THNSL1: variants seen among roughly 807,000 people sequenced by gnomAD.
THNSL1 encodes threonine synthase like 1, also known as threonine synthase-like 1.
A neutral mutation model predicts 50.4 loss-of-function variants in THNSL1; 48 were observed. The ratio of observed to expected loss-of-function variants is 0.95; its 90% CI spans 0.76 to 1.21. The LOEUF is 1.21. Ranked by LOEUF, THNSL1 falls within the 50% of genes most tolerant of loss-of-function variation. The pLI is 0.00. For missense variants in THNSL1, 896 were observed against 871.7 expected (o/e 1.03, Z -0.35); for synonymous variants, 309 against 306.1 (o/e 1.01, Z -0.10).
the THNSL1 span, chr10:24,952,425 G>T: frequency 7.6e-7 from 1 of 1,309,234 alleles, no homozygotes; most frequent in Non-Finnish European, 1.1e-6. The surrounding 1 kb of genome is among the most constrained non-coding windows in gnomAD (Gnocchi z 5.1). Flanking sequence ...CAAAGCGGTG[G>T]CCCTCTCTCT....
chr10:24,977,189 T>C, the THNSL1 span, among the ~76,000 whole-genome samples: 1 of 152,240 alleles, frequency 6.6e-6, no homozygotes, highest in African/African-American at 2.4e-5. Context: ...CTCTGTAGGC[T>C]GTGACAGAAG....
chr10:24,965,649 T>C, the THNSL1 span, among the ~76,000 whole-genome samples: 1 of 152,228 alleles, frequency 6.6e-6, no homozygotes, highest in Non-Finnish European at 1.5e-5. Flanking sequence ...TATGGATGGA[T>C]ACTCAGTCCT....
chr10:24,999,632 T>A, the THNSL1 span: 4 of 1,210,032 alleles, frequency 3.3e-6, no homozygotes, highest in South Asian at 1.4e-5. Context: ...CTTACATTTT[T>A]AATTTATTTA....
upstream of THNSL1, chr10:25,015,906 A>G (rs2132731054): frequency 6.2e-7 from 1 of 1,608,080 alleles, no homozygotes; most frequent in Non-Finnish European, 8.5e-7. Flanking sequence ...ATGAGGTTAT[A>G]AATGCACTCA....
chr10:25,002,205 G>A, the THNSL1 span, among the ~76,000 whole-genome samples: 1 of 152,160 alleles, frequency 6.6e-6, no homozygotes, highest in African/African-American at 2.4e-5. Context: ...GTGGGAACAC[G>A]AACTTTACCT....
Position 25,023,805 on chromosome 10 carries a change from G to T in THNSL1, c.582G>T (p.Lys194Asn), listed in dbSNP as rs200480020. The change falls in exon 3 of 3, where the codon AAG becomes AAT. Residue 194 changes from lysine (K) to asparagine (N), a missense_variant. Lys to Asn is a moderately conservative substitution (Grantham distance 94). Coordinates refer to ENST00000376356, the MANE Select transcript of THNSL1 (RefSeq NM_024838.5). ...DLLKFRRQYY[K>N]KWYDARVFCE... The stretch of plus-strand genomic sequence containing the variant: ...TTAAATTTAGAAGACAGTATTATAA[G>T]AAGTGGTATGATGCTCGTGTTTTCT... 6.2e-7 allele frequency: 1 copy of T among 1,614,186 alleles called. No homozygotes were observed. Among genetic ancestry groups the T allele is most frequent in the East Asian group, 2.2e-5 (1 of 44,886 alleles).
chr10:25,005,522 A>G, the THNSL1 span, among the ~76,000 whole-genome samples: 8 of 152,032 alleles, frequency 5.3e-5, no homozygotes, highest in Non-Finnish European at 1.2e-4. Flanking sequence ...TTCTTTTTCA[A>G]TTTTTCCCAG....
At chr10:24,978,666 A>G in the THNSL1 span, among the ~76,000 whole-genome samples, 2 of 152,300 alleles carry the variant, frequency 1.3e-5, no homozygotes, top group African/African-American at 4.8e-5. Context: ...TGTTTTACTT[A>G]TCATTCTTTC....
At chr10:25,015,857 T>A (rs373863993), upstream of THNSL1, 7 of 1,601,920 alleles carry the variant, frequency 4.4e-6, no homozygotes, top group Non-Finnish European at 6.0e-6. Flanking sequence ...CTTATCCACA[T>A]ACCTAGGAGG....
the THNSL1 span, among the ~76,000 whole-genome samples, chr10:24,978,718 C>T: frequency 1.3e-5 from 2 of 152,116 alleles, no homozygotes; most frequent in African/African-American, 4.8e-5. Flanking sequence ...TGTGTTGGTG[C>T]AAATCATTGG....
At chr10:24,974,319 A>G in the THNSL1 span, among the ~76,000 whole-genome samples, 1 of 152,178 alleles carries the variant, frequency 6.6e-6, no homozygotes, top group African/African-American at 2.4e-5. Context: ...TTAAAAATCT[A>G]TTGTAAGAAA....
At chr10:24,964,078 T>C in the THNSL1 span, among the ~76,000 whole-genome samples, 1 of 152,238 alleles carries the variant, frequency 6.6e-6, no homozygotes, top group Non-Finnish European at 1.5e-5. Context: ...TATTGTAAAC[T>C]GTTTAACAAC....
upstream of THNSL1, among the ~76,000 whole-genome samples, chr10:25,015,401 T>C (rs765313769): frequency 9.2e-5 from 14 of 152,194 alleles, 2 homozygotes; most frequent in Non-Finnish European, 1.5e-5. Flanking sequence ...TAAATTTATA[T>C]TTCATAAAAA....
chr10:24,981,841 C>A, the THNSL1 span: 1 of 152,158 alleles, frequency 6.6e-6, no homozygotes. Context: ...ATCTTAAGCA[C>A]CACGTGAAAT....
chr10:25,016,125 A>C, upstream of THNSL1: 1 of 1,253,428 alleles, frequency 8.0e-7, no homozygotes, highest in Non-Finnish European at 1.0e-6. Flanking sequence ...AAAACACCCT[A>C]TTTCTCTCCG....
chr10:25,006,044 CTTT>C, the THNSL1 span, among the ~76,000 whole-genome samples: 1 of 152,142 alleles, frequency 6.6e-6, no homozygotes, highest in African/African-American at 2.4e-5. Context: ...GTTATTTCTA[CTTT>C]TTAAAAGTGA....
the THNSL1 span, chr10:24,995,960 T>G: frequency 0.043 from 44,165 of 1,033,438 alleles, 1,124 homozygotes; most frequent in Non-Finnish European, 0.049. Context: ...ACCACTTGTA[T>G]ATTGAAGTTG....
chr10:24,994,396 C>T, the THNSL1 span, among the ~76,000 whole-genome samples: 5 of 150,540 alleles, frequency 3.3e-5, no homozygotes, highest in South Asian at 4.2e-4. Flanking sequence ...TGCAGTGACG[C>T]GACCTTGGCT....
At position 25,024,159 on chromosome 10, in the gene THNSL1, A is replaced by G. The variant is rs1260643767; in HGVS notation, c.936A>G (p.Glu312=). The G allele has an allele frequency of 6.2e-7, 1 of 1,614,190 alleles. No individual in the cohort carries two copies. The highest frequency in any genetic ancestry group is 1.7e-5 in the Admixed American group (1 of 60,028). Residue 312 remains glutamate (E), a synonymous_variant, in exon 3 of 3, where the codon GAA becomes GAG. Transcript: ENST00000376356. The part of the protein sequence containing the change: ...PADIPAARLG[E]MIETAYGENF... ...ACATACCTGCTGCCAGGTTGGGAGA[A>G]ATGATTGAAACTGCTTATGGGGAAA... is the stretch of plus-strand genomic sequence containing the variant.
Sources: gnomAD v4.1 joint callset for allele counts (sites outside exome capture counted in the v4.1 genomes callset) on GRCh38, gnomAD v4.1.1 for gene constraint, Gnocchi (gnomAD v3.1) non-coding constraint, MANE v1.5 for transcripts, NCBI Gene and HGNC (gene_info 2026-07-23, HGNC 2026-07-21) for gene names.